The following TENM3 variants were observed in gnomAD, a reference collection of about 807,000 sequenced individuals.
The protein encoded by TENM3 is teneurin transmembrane protein 3.
TENM3 carries 63 observed loss-of-function variants against 255.1 expected under a neutral mutation model. That is an observed-to-expected ratio of 0.25 (90% CI 0.20 to 0.30). The LOEUF (loss-of-function observed/expected upper bound fraction) is 0.30, where lower values mean the gene tolerates loss of function less well. TENM3 is among the 10% of genes least tolerant of loss of function. The pLI, the probability that TENM3 is intolerant of heterozygous loss-of-function variation, is 1.00. For synonymous variants in TENM3, 1,306 were observed against 1,322.3 expected, an observed-to-expected ratio of 0.99 and a Z score of 0.27; for missense variants, 2,929 against 3,461.1, an observed-to-expected ratio of 0.85 and a Z score of 3.86.
At chr4:182,174,190 C>T (rs1752296168) in intron 1 of TENM3, among the ~76,000 whole-genome samples, 2 of 151,976 alleles carry the variant, frequency 1.3e-5, no homozygotes, top group Admixed American at 6.6e-5. Flanking sequence ...TATCCATTAA[C>T]TAAATACATT....
the TENM3 span, among the ~76,000 whole-genome samples, chr4:181,476,987 T>G: frequency 1.3e-5 from 2 of 152,194 alleles, no homozygotes; most frequent in Non-Finnish European, 2.9e-5. Flanking sequence ...TCCAGCATTA[T>G]TTGTCTCATT....
chr4:182,540,417 C>G (rs547766940), intron 3 of TENM3, among the ~76,000 whole-genome samples: 3 of 152,180 alleles, frequency 2.0e-5, no homozygotes, highest in African/African-American at 7.2e-5. Flanking sequence ...TGGAGAAACC[C>G]CGTCTCTACT....
chr4:182,671,214 C>T (rs1755188070), intron 6 of TENM3, among the ~76,000 whole-genome samples: 1 of 152,160 alleles, frequency 6.6e-6, no homozygotes, highest in African/African-American at 2.4e-5. Context: ...ATGTTACTCT[C>T]CCCATTTTCT....
chr4:182,621,617 ATATATATAAAAT>A (rs1393877493), intron 4 of TENM3, among the ~76,000 whole-genome samples: 10 of 102,372 alleles, frequency 9.8e-5, no homozygotes, highest in East Asian at 2.7e-4. Flanking sequence ...ATATATAAAT[ATATATATAAAAT>A]ATATAATATA....
At chr4:182,075,134 T>C in the TENM3 span, among the ~76,000 whole-genome samples, 5 of 151,984 alleles carry the variant, frequency 3.3e-5, no homozygotes, top group African/African-American at 1.2e-4. Context: ...CTGTGATTTT[T>C]CTCAGACGTG....
the TENM3 span, among the ~76,000 whole-genome samples, chr4:181,766,884 A>G: frequency 2.6e-5 from 4 of 152,316 alleles, no homozygotes; most frequent in Admixed American, 6.5e-5. Context: ...TGTTAACACA[A>G]TACTCTAATT....
At chr4:181,950,512 A>G in the TENM3 span, among the ~76,000 whole-genome samples, 8 of 152,242 alleles carry the variant, frequency 5.3e-5, no homozygotes, top group Middle Eastern at 6.8e-3. Flanking sequence ...TTGAACATTT[A>G]TTATGCAATT....
intron 3 of TENM3, among the ~76,000 whole-genome samples, chr4:182,465,001 G>T (rs1197007853): frequency 6.6e-6 from 1 of 151,920 alleles, no homozygotes; most frequent in African/African-American, 2.4e-5. Flanking sequence ...AGGTTCTTTG[G>T]CATATTATAG....
intron 3 of TENM3, among the ~76,000 whole-genome samples, chr4:182,353,756 A>T (rs1401973902): frequency 1.3e-5 from 2 of 152,168 alleles, no homozygotes; most frequent in Non-Finnish European, 2.9e-5. Context: ...TCACAATGTC[A>T]GGAGTTTGAG....
intron 1 of TENM3, among the ~76,000 whole-genome samples, chr4:182,287,611 G>GTTTATTTATGTATTTTTATT (rs1760819043): frequency 6.6e-6 from 1 of 150,954 alleles, no homozygotes; most frequent in Admixed American, 6.6e-5. Context: ...TTCATTTATT[G>GTTTATTTATGTATTTTTATT]TTTATTTATT....
the TENM3 span, among the ~76,000 whole-genome samples, chr4:182,111,828 T>A: frequency 6.6e-6 from 1 of 152,158 alleles, no homozygotes; most frequent in African/African-American, 2.4e-5. Context: ...AGAGGAAGGA[T>A]TGGTGACCAA....
the TENM3 span, among the ~76,000 whole-genome samples, chr4:181,937,780 C>T: frequency 1.3e-5 from 2 of 152,218 alleles, no homozygotes; most frequent in Admixed American, 6.5e-5. Context: ...GCCAATGTGA[C>T]TTTCAGTCTT....
the TENM3 span, among the ~76,000 whole-genome samples, chr4:181,842,681 T>C: frequency 3.9e-5 from 6 of 152,214 alleles, no homozygotes; most frequent in African/African-American, 7.2e-5. Context: ...GTAGACCAAG[T>C]CCAGACATCT....
chr4:182,344,076 A>AT (rs1561344512), intron 2 of TENM3, among the ~76,000 whole-genome samples: 4 of 143,748 alleles, frequency 2.8e-5, no homozygotes, highest in Non-Finnish European at 4.7e-5. Context: ...CAAGGTATTT[A>AT]TTTTTTAAGT....
chr4:182,683,363 C>T (rs1359700566), intron 11 of TENM3, among the ~76,000 whole-genome samples: 1 of 152,118 alleles, frequency 6.6e-6, no homozygotes, highest in Non-Finnish European at 1.5e-5. Flanking sequence ...CAAAATGCTT[C>T]AAAATTCAAA....
At chr4:182,390,777 T>A (rs1768372399) in intron 3 of TENM3, among the ~76,000 whole-genome samples, 1 of 152,190 alleles carries the variant, frequency 6.6e-6, no homozygotes, top group Non-Finnish European at 1.5e-5. Flanking sequence ...ACAAGGCTCT[T>A]ATTGATCCTC....
intron 3 of TENM3, among the ~76,000 whole-genome samples, chr4:182,413,133 A>G (rs983974447): frequency 3.9e-5 from 6 of 152,130 alleles, no homozygotes; most frequent in Non-Finnish European, 5.9e-5. Context: ...ATGATAGTCT[A>G]CAAAGTATAA....
intron 3 of TENM3, among the ~76,000 whole-genome samples, chr4:182,557,805 C>CAGGT (rs1364402392): frequency 6.6e-6 from 1 of 152,190 alleles, no homozygotes; most frequent in Non-Finnish European, 1.5e-5. Context: ...TTCTGTCCCT[C>CAGGT]AGGTACCCTT....
chr4:182,302,822 G>A (rs755022835), intron 1 of TENM3, among the ~76,000 whole-genome samples: 3 of 152,156 alleles, frequency 2.0e-5, no homozygotes, highest in Non-Finnish European at 2.9e-5. Context: ...ACAGGCTTCT[G>A]TCATTAAGAA....
Sources: allele counts gnomAD v4.1 joint callset (sites outside exome capture counted in the v4.1 genomes callset), GRCh38; gene constraint gnomAD v4.1.1; transcripts MANE v1.5; gene names NCBI Gene and HGNC (gene_info 2026-07-23, HGNC 2026-07-21).